ABHD12B: variants seen among roughly 807,000 people sequenced by gnomAD.
ABHD12B encodes abhydrolase domain containing 12B.
Under a neutral mutation model 50.4 loss-of-function variants are expected in ABHD12B, and 42 were observed. That is an observed-to-expected ratio of 0.83 (90% confidence interval 0.65 to 1.08). The LOEUF is 1.08. Ranked by LOEUF, ABHD12B falls within the 50% of genes least tolerant of loss-of-function variation. The pLI is 0.00. For missense variants in ABHD12B, 479 were observed against 447.7 expected (o/e 1.07, Z -0.63); for synonymous variants, 167 against 160.3 (o/e 1.04, Z -0.32).
chr14:50,896,139 C>T (rs1435475584), intron 9 of ABHD12B, among the ~76,000 whole-genome samples: 1 of 152,134 alleles, frequency 6.6e-6, no homozygotes, highest in Non-Finnish European at 1.5e-5. Context: ...AAAACCTAAT[C>T]ACCCTTACCC....
chr14:50,882,169 C>G (rs150591769), intron 5 of ABHD12B, among the ~76,000 whole-genome samples: 2,216 of 150,890 alleles, frequency 0.015, 32 homozygotes, highest in Middle Eastern at 0.067. Context: ...CTCGTGATCT[C>G]AGGTGATCCA....
At position 50,902,744 on chromosome 14, in the gene ABHD12B, G is replaced by C. The variant is rs1011974292; in HGVS notation, c.864-645G>C. Among the ~76,000 whole-genome samples the C allele has an allele frequency of 5.9e-5, 9 of 152,312 alleles. No homozygotes were observed. The South Asian group carries it at 1.5e-3, about 25-fold the overall frequency. On this transcript the variant is annotated intron_variant, in intron 10 of 12. Transcript: ENST00000337334. ...CTCAGGGGTGTCAGTGAGTCACTGT[G>C]GCAGAGATGGATGGGTATCAGAATT...
chr14:50,899,295 G>A (rs1288670886), intron 9 of ABHD12B, among the ~76,000 whole-genome samples: 1 of 152,164 alleles, frequency 6.6e-6, no homozygotes, highest in Admixed American at 6.5e-5. Context: ...AGTGGCACTG[G>A]CTTACCTATT....
intron 1 of ABHD12B, among the ~76,000 whole-genome samples, chr14:50,873,965 G>C (rs993194091): frequency 3.3e-5 from 5 of 152,148 alleles, no homozygotes; most frequent in Admixed American, 3.3e-4. Context: ...GTCTTCATCT[G>C]AGCAGAAGAT....
chr14:50,880,837 C>T (rs1684696924), intron 4 of ABHD12B, among the ~76,000 whole-genome samples: 1 of 152,164 alleles, frequency 6.6e-6, no homozygotes, highest in African/African-American at 2.4e-5. Flanking sequence ...GTGATGATTC[C>T]TTTGCTCCCG....
intron 9 of ABHD12B, among the ~76,000 whole-genome samples, chr14:50,894,799 C>T (rs1006132105): frequency 1.7e-4 from 25 of 149,258 alleles, no homozygotes; most frequent in East Asian, 9.6e-4. Flanking sequence ...CAACCCCAAG[C>T]GTCGCTGAGT....
intron 1 of ABHD12B, among the ~76,000 whole-genome samples, chr14:50,875,113 G>A (rs148493964): frequency 6.6e-6 from 1 of 152,338 alleles, no homozygotes; most frequent in African/African-American, 2.4e-5. Context: ...AGAAGACAGG[G>A]CTAATAATGG....
intron 6 of ABHD12B, 49 bp from the exon 7 acceptor site, chr14:50,885,717 C>CTCTGATG: frequency 6.2e-7 from 1 of 1,614,078 alleles, no homozygotes; most frequent in Middle Eastern, 1.6e-4. Context: ...CTCTGATGAC[C>CTCTGATG]CCTCATTTTG....
intron 1 of ABHD12B, among the ~76,000 whole-genome samples, chr14:50,873,753 C>T (rs1174413050): frequency 6.6e-6 from 1 of 152,108 alleles, no homozygotes; most frequent in African/African-American, 2.4e-5. Flanking sequence ...GAATTGATGG[C>T]TGATTATTTA....
chr14:50,877,639 G>A (rs958892975), intron 1 of ABHD12B, among the ~76,000 whole-genome samples: 9 of 152,106 alleles, frequency 5.9e-5, no homozygotes, highest in Admixed American at 3.3e-4. Flanking sequence ...GAAATTTGGG[G>A]GCGGATCACC....
intron 9 of ABHD12B, among the ~76,000 whole-genome samples, chr14:50,889,791 G>A (rs975785645): frequency 6.6e-6 from 1 of 152,150 alleles, no homozygotes; most frequent in Non-Finnish European, 1.5e-5. Context: ...AGGGATACAT[G>A]GCCTCAATTT....
At chr14:50,886,440 C>CAAAAA (rs534954967) in intron 7 of ABHD12B, among the ~76,000 whole-genome samples, 1 of 62,962 alleles carries the variant, frequency 1.6e-5, no homozygotes, top group Admixed American at 1.6e-4. Context: ...GCTCTGTCTC[C>CAAAAA]AAAAAAAAAA....
At position 50,886,611 on chromosome 14, in the gene ABHD12B, T is replaced by C. The variant is rs371044930; in HGVS notation, c.663-36T>C. ...CAGAAGTTGCATTTTGTACTGTTAT[T>C]GCTTAACACATGTACTAATTTTCAT... On this transcript the variant is annotated intron_variant, in intron 7 of 12. Coordinates refer to ENST00000337334, the MANE Select transcript of ABHD12B (RefSeq NM_001206673.2). 4 of 1,596,492 alleles carry C rather than the reference T, an allele frequency of 2.5e-6. No homozygotes were observed. The African/African-American group carries it at 4.0e-5, about 16-fold the overall frequency.
chr14:50,901,792 G>A, intron 9 of ABHD12B, 37 bp from the exon 10 acceptor site: 1 of 1,392,898 alleles, frequency 7.2e-7, no homozygotes, highest in Non-Finnish European at 9.9e-7. Context: ...CATAGCTATG[G>A]GGCAAATATT....
intron 1 of ABHD12B, 59 bp downstream of exon 1, chr14:50,872,337 G>A: frequency 8.5e-7 from 1 of 1,172,144 alleles, no homozygotes. Flanking sequence ...GCGCGGGGAT[G>A]GGGCAGGGGG....
intron 9 of ABHD12B, among the ~76,000 whole-genome samples, chr14:50,894,778 C>A (rs577227568): frequency 1.3e-5 from 2 of 149,748 alleles, no homozygotes; most frequent in Non-Finnish European, 2.9e-5. Flanking sequence ...TCCCGCCTGT[C>A]CCCCCAGTCC....
chr14:50,892,890 A>G (rs1288509453), intron 9 of ABHD12B: 1 of 152,184 alleles, frequency 6.6e-6, no homozygotes, highest in Non-Finnish European at 1.5e-5. Flanking sequence ...CTCCTTGACT[A>G]TATGGATTAT....
chr14:50,903,444 G>T lies in ABHD12B; in HGVS notation c.919G>T (p.Val307Leu), dbSNP rs369201329. Reference protein sequence around the residue: ...LILHGEDDRTVPLEYGKKLYE... With the variant: ...LILHGEDDRTLPLEYGKKLYE... ...CTTACATGGAGAGGATGACAGGACA[G>T]TGCCTTTGGAGTATGGGAAAAAGGT... Residue 307 changes from valine to leucine, a missense_variant, in exon 11 of 13, where the codon GTG becomes TTG. Physicochemically the swap from Val to Leu is conservative, Grantham distance 32. Transcript: ENST00000337334. The T allele has an allele frequency of 1.2e-6, 2 of 1,612,616 alleles. No individual in the cohort carries two copies. The highest frequency in any genetic ancestry group is 1.7e-6 in the Non-Finnish European group (2 of 1,179,004).
rs1596027708 is a variant in ABHD12B at position 50,904,761 on chromosome 14, G to A, written c.*395G>A. On this transcript the variant is annotated 3_prime_UTR_variant, in exon 13 of 13. Transcript: ENST00000337334. ...ACCAGTGTGATGGTAATAGGAGGTG[G>A]GACTGAGCTCTGATGAATGAGATTA... 3.4e-6 allele frequency: 1 copy of A among 292,728 alleles called. No homozygotes were observed. Among genetic ancestry groups the A allele is most frequent in the East Asian group, 8.0e-5 (1 of 12,502 alleles). The allele number at this position is 292,728 out of a possible 1,614,324, so 18.1% of individuals were successfully genotyped here.
Sources: allele counts gnomAD v4.1 joint callset (sites outside exome capture counted in the v4.1 genomes callset), GRCh38; gene constraint gnomAD v4.1.1; transcripts MANE v1.5; gene names NCBI Gene and HGNC (gene_info 2026-07-23, HGNC 2026-07-21).